GRK5: variants seen among roughly 807,000 people sequenced by gnomAD.
GRK5 encodes the protein G protein-coupled receptor kinase 5.
A neutral mutation model predicts 78.4 loss-of-function variants in GRK5; 40 were observed. The observed-to-expected ratio is 0.51, with a 90% CI of 0.40 to 0.66. The LOEUF (loss-of-function observed/expected upper bound fraction) is 0.66, where lower values mean the gene tolerates loss of function less well. GRK5 is among the 30% of genes least tolerant of loss of function. The probability of loss-of-function intolerance (pLI) is 0.00; values close to 1 mark genes in which losing one functional copy is unlikely to be tolerated. For missense variants in GRK5, 598 were observed against 759.9 expected (o/e 0.79, Z 2.50); for synonymous variants, 289 against 296.8 (o/e 0.97, Z 0.27).
At chr10:119,395,585 A>G (rs1036732006) in intron 3 of GRK5, among the ~76,000 whole-genome samples, 1 of 152,214 alleles carries the variant, frequency 6.6e-6, no homozygotes, top group African/African-American at 2.4e-5. Context: ...ATTTGCAATT[A>G]GCTCTTTTGT....
At chr10:119,320,298 C>T (rs1850562627) in intron 1 of GRK5, among the ~76,000 whole-genome samples, 3 of 152,218 alleles carry the variant, frequency 2.0e-5, no homozygotes, top group Non-Finnish European at 4.4e-5. Context: ...CCTGACACCA[C>T]GGGTCCGCTA....
intron 1 of GRK5, among the ~76,000 whole-genome samples, chr10:119,298,063 CT>C (rs1487784566): frequency 6.6e-6 from 1 of 152,154 alleles, no homozygotes; most frequent in Non-Finnish European, 1.5e-5. Flanking sequence ...GGACTCAGGC[CT>C]CAGCATTCTG....
intron 1 of GRK5, among the ~76,000 whole-genome samples, chr10:119,260,028 C>T (rs1564867210): frequency 1.3e-5 from 2 of 151,780 alleles, no homozygotes; most frequent in Non-Finnish European, 2.9e-5. Flanking sequence ...GAGACGGAGT[C>T]TCCCTCTGTT....
At chr10:119,368,505 C>T (rs1281787634) in intron 2 of GRK5, among the ~76,000 whole-genome samples, 1 of 152,196 alleles carries the variant, frequency 6.6e-6, no homozygotes, top group Non-Finnish European at 1.5e-5. Context: ...GCTCACAGCC[C>T]CACTGTGAAG....
chr10:119,243,255 G>A (rs1267718800), intron 1 of GRK5, among the ~76,000 whole-genome samples: 2 of 152,198 alleles, frequency 1.3e-5, no homozygotes, highest in Admixed American at 6.5e-5. Context: ...GACTGATACA[G>A]CAGGATTGTG....
At chr10:119,346,480 G>A (rs1054347057) in intron 2 of GRK5, among the ~76,000 whole-genome samples, 1 of 152,234 alleles carries the variant, frequency 6.6e-6, no homozygotes, top group South Asian at 2.1e-4. Flanking sequence ...CAGGTTTATA[G>A]AGATTAAATC....
Position 119,264,341 on chromosome 10 carries a change from G to C in GRK5, c.52+56372G>C, listed in dbSNP as rs527578061. 2.0e-5 allele frequency among the ~76,000 whole-genome samples: 3 copies of C among 152,300 alleles called. No homozygotes were observed. The South Asian group carries it at 6.2e-4, about 32-fold the overall frequency. ...AGGGCATTTGTTGGCACATGTGCTTGGGAAGTTGAGTCCTGGGTGGGGCTC... is the reference window on the plus strand; with the variant it reads ...AGGGCATTTGTTGGCACATGTGCTTCGGAAGTTGAGTCCTGGGTGGGGCTC... On this transcript the variant is annotated intron_variant, in intron 1 of 15. Coordinates refer to ENST00000392870, the MANE Select transcript of GRK5 (RefSeq NM_005308.3). This position sits in a 1 kb window ranked among gnomAD's most constrained non-coding sequence, Gnocchi z 4.1.
intron 13 of GRK5, among the ~76,000 whole-genome samples, chr10:119,450,256 G>T (rs1853247524): frequency 6.6e-6 from 1 of 152,172 alleles, no homozygotes; most frequent in South Asian, 2.1e-4. Flanking sequence ...CATCCTTGTG[G>T]CCTCTGGGCT....
At chr10:119,349,571 G>A (rs553901705) in intron 2 of GRK5, among the ~76,000 whole-genome samples, 2 of 152,216 alleles carry the variant, frequency 1.3e-5, no homozygotes, top group African/African-American at 4.8e-5. Context: ...GGGAGGGCCT[G>A]TGCACTCAGG....
At chr10:119,436,329 TC>T (rs1036995630) in intron 8 of GRK5, among the ~76,000 whole-genome samples, 1 of 152,206 alleles carries the variant, frequency 6.6e-6, no homozygotes, top group African/African-American at 2.4e-5. Context: ...CCTCCAGTCT[TC>T]CCCAGCTGAT....
At chr10:119,402,379 T>C (rs774272194) in intron 4 of GRK5, among the ~76,000 whole-genome samples, 1 of 152,162 alleles carries the variant, frequency 6.6e-6, no homozygotes, top group Non-Finnish European at 1.5e-5. Context: ...TGAAGAGAGC[T>C]GAGCAGCTCA....
chr10:119,282,947 C>T (rs1849787148), intron 1 of GRK5, among the ~76,000 whole-genome samples: 1 of 152,226 alleles, frequency 6.6e-6, no homozygotes, highest in South Asian at 2.1e-4. Flanking sequence ...CATCCAGTCC[C>T]TCCTCTAGGC....
chr10:119,358,848 C>T (rs1324886245), intron 2 of GRK5, among the ~76,000 whole-genome samples: 5 of 152,218 alleles, frequency 3.3e-5, no homozygotes, highest in South Asian at 4.1e-4. Flanking sequence ...GGGCTGGCTT[C>T]TGCCCTTGCT....
Position 119,458,608 on chromosome 10 carries a change from T to A in GRK5, c.*3541T>A, listed in dbSNP as rs999047275. The A allele has an allele frequency of 6.7e-6, 1 of 148,816 alleles. No homozygotes were observed. Among genetic ancestry groups the A allele is most frequent in the South Asian group, 2.1e-4 (1 of 4,682 alleles). 9.2% of individuals were successfully genotyped at this position (148,816 alleles called of 1,614,324 possible). ...AAGCAGCTGCCGAGACAAATGGTGG[T>A]GGGAAGTCCTGGGAACACACACAGC... On this transcript the variant is annotated 3_prime_UTR_variant, in exon 16 of 16. Coordinates refer to ENST00000392870, the MANE Select transcript of GRK5 (RefSeq NM_005308.3).
intron 1 of GRK5, among the ~76,000 whole-genome samples, chr10:119,306,980 G>C (rs1033726609): frequency 2.6e-5 from 4 of 152,100 alleles, no homozygotes; most frequent in African/African-American, 9.7e-5. Flanking sequence ...TGTGTCTCCA[G>C]CCGTCAGTGA....
chr10:119,450,596 C>T (rs982965974), intron 13 of GRK5, among the ~76,000 whole-genome samples: 24 of 152,174 alleles, frequency 1.6e-4, no homozygotes, highest in East Asian at 1.9e-4. Context: ...AGGGTCAGAG[C>T]GACCAACTGT....
chr10:119,316,498 G>A (rs1405563459), intron 1 of GRK5, among the ~76,000 whole-genome samples: 1 of 152,222 alleles, frequency 6.6e-6, no homozygotes, highest in Non-Finnish European at 1.5e-5. Flanking sequence ...CCACAAGGGT[G>A]GGGGTCCCCA....
chr10:119,289,097 CAG>C lies in GRK5; in HGVS notation c.53-37417_53-37416del, dbSNP rs1448918106. 3.3e-5 allele frequency among the ~76,000 whole-genome samples: 5 copies of C among 152,088 alleles called. No individual in the cohort carries two copies. In the East Asian group the frequency reaches 9.6e-4, roughly 29 times the overall value. ...CATGAGAAAATATGGTAAAAGGGAGCAGATTTTATTTTCAGAAACTGTGATTT... is the reference window on the plus strand; with the variant it reads ...CATGAGAAAATATGGTAAAAGGGAGCATTTTATTTTCAGAAACTGTGATTT... On this transcript the variant is annotated intron_variant, in intron 1 of 15. Transcript: ENST00000392870.
rs150578709 is a variant in GRK5 at position 119,426,122 on chromosome 10, C to T, written c.533+1037C>T. On this transcript the variant is annotated intron_variant, in intron 6 of 15. Transcript: ENST00000392870. Reference sequence around the variant, plus strand: ...CATCCAGTGAGAAAGGAGCCATCCACTGCTGCCTGCCAGCCCCACAGCTGG... The same window carrying T: ...CATCCAGTGAGAAAGGAGCCATCCATTGCTGCCTGCCAGCCCCACAGCTGG... Among the ~76,000 whole-genome samples the T allele has an allele frequency of 2.0e-3, 299 of 152,378 alleles. 1 individual carries two copies. The highest frequency in any genetic ancestry group is 3.4e-3 in the Middle Eastern group (1 of 294).
Sources: allele counts gnomAD v4.1 joint callset (sites outside exome capture counted in the v4.1 genomes callset), GRCh38; gene constraint gnomAD v4.1.1; non-coding constraint Gnocchi (gnomAD v3.1); transcripts MANE v1.5; gene names NCBI Gene and HGNC (gene_info 2026-07-23, HGNC 2026-07-21).